The following SUPT3H variants were observed in gnomAD, a reference collection of about 807,000 sequenced individuals.
SUPT3H encodes the protein transcription initiation protein SPT3 homolog.
In SUPT3H, 44 loss-of-function variants were observed where a neutral mutation model predicts 44.3. The ratio of observed to expected loss-of-function variants is 0.99; its 90% confidence interval spans 0.78 to 1.28. The LOEUF is 1.28. SUPT3H is among the 50% of genes most tolerant of loss of function. The pLI is 0.00. For missense variants in SUPT3H, 380 were observed against 387.1 expected, an observed-to-expected ratio of 0.98 and a Z score of 0.15; for synonymous variants, 124 against 125.6, an observed-to-expected ratio of 0.99 and a Z score of 0.09.
intron 6 of SUPT3H, among the ~76,000 whole-genome samples, chr6:44,963,922 C>T (rs1385940482): frequency 6.7e-6 from 1 of 150,352 alleles, no homozygotes; most frequent in Non-Finnish European, 1.5e-5. Context: ...CGCTTGAACT[C>T]GGGAGGCAGA....
At chr6:45,253,365 A>G (rs1021278773) in intron 2 of SUPT3H, among the ~76,000 whole-genome samples, 2 of 152,216 alleles carry the variant, frequency 1.3e-5, no homozygotes, top group African/African-American at 4.8e-5. Flanking sequence ...TGATCTGATA[A>G]CTATCTAATT....
At chr6:45,285,125 C>G (rs1008649202) in intron 2 of SUPT3H, among the ~76,000 whole-genome samples, 1 of 151,758 alleles carries the variant, frequency 6.6e-6, no homozygotes, top group Non-Finnish European at 1.5e-5. Flanking sequence ...GACAAACCCA[C>G]AGCCAATATC....
intron 7 of SUPT3H, among the ~76,000 whole-genome samples, chr6:44,956,606 C>T (rs573193281): frequency 9.9e-5 from 15 of 151,606 alleles, no homozygotes; most frequent in East Asian, 9.7e-4. Flanking sequence ...ACATTTTTTC[C>T]GGTTATGAAG....
At chr6:45,133,493 T>C (rs1273692721) in intron 2 of SUPT3H, among the ~76,000 whole-genome samples, 2 of 152,150 alleles carry the variant, frequency 1.3e-5, no homozygotes, top group Non-Finnish European at 2.9e-5. Flanking sequence ...GATCCAGTCC[T>C]GCTTGATGGG....
chr6:44,842,879 C>T (rs868255762), intron 10 of SUPT3H, among the ~76,000 whole-genome samples: 13 of 151,744 alleles, frequency 8.6e-5, no homozygotes, highest in South Asian at 2.1e-4. Context: ...CACTTGTTTT[C>T]GGTGGGAGCA....
chr6:45,017,464 T>A (rs1241215775), intron 4 of SUPT3H, among the ~76,000 whole-genome samples: 6 of 151,760 alleles, frequency 4.0e-5, no homozygotes. Flanking sequence ...TCTTCCAGGG[T>A]TTTTATGGTT....
At chr6:44,974,518 T>A (rs939448757) in intron 6 of SUPT3H, among the ~76,000 whole-genome samples, 1 of 152,178 alleles carries the variant, frequency 6.6e-6, no homozygotes, top group Non-Finnish European at 1.5e-5. Flanking sequence ...ACTATACACA[T>A]TGCCGTCCCT....
At chr6:45,336,622 A>C (rs575193732) in intron 2 of SUPT3H, among the ~76,000 whole-genome samples, 1 of 151,552 alleles carries the variant, frequency 6.6e-6, no homozygotes, top group African/African-American at 2.4e-5. Context: ...ATGTACAATA[A>C]ATTTTTACTC....
chr6:44,847,377 A>G (rs192504122), intron 10 of SUPT3H, among the ~76,000 whole-genome samples: 1 of 152,370 alleles, frequency 6.6e-6, no homozygotes, highest in East Asian at 1.9e-4. Context: ...TTGTGAAAAC[A>G]GCACTTACAC....
chr6:45,119,390 C>T (rs553183600), intron 2 of SUPT3H, among the ~76,000 whole-genome samples: 4 of 152,174 alleles, frequency 2.6e-5, no homozygotes, highest in African/African-American at 9.6e-5. Flanking sequence ...CAATGTATGT[C>T]TAGGGAAGAG....
At chr6:45,330,714 T>G (rs933500075) in intron 2 of SUPT3H, among the ~76,000 whole-genome samples, 6 of 151,854 alleles carry the variant, frequency 4.0e-5, no homozygotes, top group African/African-American at 1.5e-4. Flanking sequence ...GGCATGGTAG[T>G]GAACCTTTTT....
chr6:45,076,006 C>T (rs1794961794), intron 3 of SUPT3H, among the ~76,000 whole-genome samples: 1 of 152,040 alleles, frequency 6.6e-6, no homozygotes, highest in Admixed American at 6.6e-5. Context: ...ACATGTTTAG[C>T]TGGCAAGTTT....
intron 2 of SUPT3H, among the ~76,000 whole-genome samples, chr6:45,120,015 G>T (rs1391806745): frequency 6.6e-6 from 1 of 151,984 alleles, no homozygotes; most frequent in Non-Finnish European, 1.5e-5. Context: ...CCACTGAACT[G>T]ATTCAAATGT....
At chr6:45,156,123 A>G (rs1049223369) in intron 2 of SUPT3H, among the ~76,000 whole-genome samples, 1 of 152,168 alleles carries the variant, frequency 6.6e-6, no homozygotes, top group Non-Finnish European at 1.5e-5. Context: ...GGAAGATTCT[A>G]TGGCCAATAA....
intron 2 of SUPT3H, among the ~76,000 whole-genome samples, chr6:45,359,704 A>T (rs1793897109): frequency 6.6e-6 from 1 of 152,216 alleles, no homozygotes; most frequent in Non-Finnish European, 1.5e-5. Context: ...TTGCTGAAAA[A>T]GATCTGTTGT....
intron 2 of SUPT3H, among the ~76,000 whole-genome samples, chr6:45,256,672 T>C (rs1227283530): frequency 2.0e-5 from 3 of 152,092 alleles, no homozygotes; most frequent in African/African-American, 4.8e-5. Flanking sequence ...TTCCCAATTA[T>C]AGACTTTTAT....
intron 3 of SUPT3H, among the ~76,000 whole-genome samples, chr6:45,038,868 G>A (rs1395126307): frequency 6.6e-6 from 1 of 151,992 alleles, no homozygotes; most frequent in Non-Finnish European, 1.5e-5. Context: ...TTTACTGGGT[G>A]TATATATTGC....
intron 5 of SUPT3H, among the ~76,000 whole-genome samples, chr6:45,013,288 A>G (rs770313183): frequency 6.6e-6 from 1 of 152,018 alleles, no homozygotes; most frequent in East Asian, 1.9e-4. Context: ...TGGAGCTACC[A>G]GTCCCCTCTT....
At chr6:45,343,787 T>G (rs1418891866) in intron 2 of SUPT3H, among the ~76,000 whole-genome samples, 1 of 152,176 alleles carries the variant, frequency 6.6e-6, no homozygotes, top group African/African-American at 2.4e-5. Flanking sequence ...ACACAGAAGT[T>G]TGTGAGGCAT....
Sources: allele counts gnomAD v4.1 joint callset (sites outside exome capture counted in the v4.1 genomes callset), GRCh38; gene constraint gnomAD v4.1.1; transcripts MANE v1.5; gene names NCBI Gene and HGNC (gene_info 2026-07-23, HGNC 2026-07-21).